The following MUC12 variants were observed in gnomAD, a reference collection of about 807,000 sequenced individuals.
MUC12 encodes mucin-12.
In MUC12, 172 loss-of-function variants were observed where a neutral mutation model predicts 230.8. That is an observed-to-expected ratio of 0.75 (90% CI 0.66 to 0.85). The LOEUF is 0.85. Ranked by LOEUF, MUC12 falls within the 40% of genes least tolerant of loss-of-function variation. The probability of loss-of-function intolerance (pLI) is 0.00; values close to 1 mark genes in which losing one functional copy is unlikely to be tolerated. For synonymous variants in MUC12, 1,259 were observed against 2,401.9 expected, an observed-to-expected ratio of 0.52 and a Z score of 13.91; for missense variants, 3,506 against 5,920.6, an observed-to-expected ratio of 0.59 and a Z score of 13.38.
Position 100,994,089 on chromosome 7 carries a change from A to T in MUC12, c.3526A>T (p.Ser1176Cys), listed in dbSNP as rs1253181444. The T allele has an allele frequency of 2.9e-6, 3 of 1,026,922 alleles. 1 individual carries two copies. The African/African-American group carries it at 6.3e-5, about 22-fold the overall frequency. The allele number at this position is 1,026,922 out of a possible 1,614,324, so 63.6% of individuals were successfully genotyped here. A position where few individuals can be genotyped will look rare whatever the true frequency, so the allele number is the denominator to read the frequency against. The change falls in exon 2 of 12, where the codon AGC becomes TGC. Residue 1176 changes from serine (S) to cysteine (C), a missense_variant. Physicochemically the swap from Ser to Cys is moderately radical, Grantham distance 112. Coordinates refer to ENST00000536621, the MANE Select transcript of MUC12 (RefSeq NM_001164462.2). The stretch of plus-strand genomic sequence containing the variant: ...AACTGAAACCACAGTGTTCCCTCAC[A>T]GCACCACAACCTCAGTTCATGGTGA... ...GSTETTVFPHSTTTSVHGEEP... is the reference protein window; with the variant it reads ...GSTETTVFPHCTTTSVHGEEP...
chr7:100,970,605 G>T (rs1792857149), intron 1 of MUC12, among the ~76,000 whole-genome samples: 1 of 152,202 alleles, frequency 6.6e-6, no homozygotes, highest in African/African-American at 2.4e-5. Flanking sequence ...GCCAGTTGCA[G>T]GGTCTCGCCT....
intron 5 of MUC12, among the ~76,000 whole-genome samples, chr7:101,012,060 C>T (rs140055264): frequency 2.0e-5 from 3 of 152,122 alleles, no homozygotes; most frequent in East Asian, 1.9e-4. Flanking sequence ...CACTATTTTG[C>T]GAGAGATGAA....
rs1225570861 is a variant in MUC12, at chr7:100,991,801, A to C, written c.1238A>C (p.His413Pro). 6.5e-7 allele frequency: 1 copy of C among 1,537,852 alleles called. No homozygotes were observed. The highest frequency in any genetic ancestry group is 8.7e-7 in the Non-Finnish European group (1 of 1,147,084). Residue 413 changes from histidine to proline, a missense_variant, in exon 2 of 12, where the codon CAC becomes CCC. Transcript: ENST00000536621. ...TTAALAHTSY[H>P]SSLGSTETTH... ...GCTGCCCTAGCACATACAAGCTACC[A>C]CAGCAGCCTGGGCTCAACTGAAACA...
chr7:101,014,216 C>T lies in MUC12; in HGVS notation c.15800+142C>T, dbSNP rs576355102. On this transcript the variant is annotated intron_variant, in intron 9 of 11. Transcript: ENST00000536621. Reference sequence around the variant, plus strand: ...TGAGGCCAGATGGGGTGCCCAGACCCTCCCAGCCCTGGGTGCAGCAAAGGG... The same window carrying T: ...TGAGGCCAGATGGGGTGCCCAGACCTTCCCAGCCCTGGGTGCAGCAAAGGG... 6 of 962,808 alleles carry T rather than the reference C, an allele frequency of 6.2e-6. No individual in the cohort carries two copies. In the Admixed American group the frequency reaches 9.9e-5, roughly 16 times the overall value. 59.6% of individuals were successfully genotyped at this position (962,808 alleles called of 1,614,324 possible).
At position 101,015,696 on chromosome 7, in the gene MUC12, C is replaced by G. The variant is rs1232880261; in HGVS notation, c.15877+5C>G. On this transcript the variant is annotated splice_donor_5th_base_variant and intron_variant, in intron 10 of 11. Transcript: ENST00000536621. ...AGAAGACGGCCATCTGGGAAGGTACCTCTAGTTAAGGGCAAGGAGATGAGC... is the reference window on the plus strand; with the variant it reads ...AGAAGACGGCCATCTGGGAAGGTACGTCTAGTTAAGGGCAAGGAGATGAGC... 1.3e-6 allele frequency: 2 copies of G among 1,537,158 alleles called. No individual in the cohort carries two copies. Among genetic ancestry groups the G allele is most frequent in the South Asian group, 2.4e-5 (2 of 84,042 alleles).
intron 2 of MUC12, 130 bp downstream of exon 2, chr7:101,005,649 C>A: frequency 8.3e-7 from 1 of 1,211,654 alleles, no homozygotes; most frequent in Non-Finnish European, 1.1e-6. Flanking sequence ...ACCGATTATC[C>A]AGTTTCTGGG....
rs375954025 is a variant in MUC12, at chr7:101,004,630, C to T, written c.14067C>T (p.Ser4689=). Residue 4689 remains serine (S), a synonymous_variant, in exon 2 of 12, where the codon AGC becomes AGT. Coordinates refer to ENST00000536621, the MANE Select transcript of MUC12 (RefSeq NM_001164462.2). ...AGGAATCAACAGCATCCCACAGCAG[C>T]CCAGATACAAATGGAATCACACCCT... ...RSEESTASHS[S]PDTNGITPLP... The T allele has an allele frequency of 6.5e-7, 1 of 1,537,342 alleles. No homozygotes were observed. Among genetic ancestry groups the T allele is most frequent in the South Asian group, 1.2e-5 (1 of 84,048 alleles).
intron 1 of MUC12, among the ~76,000 whole-genome samples, chr7:100,972,469 G>A (rs1792926680): frequency 6.6e-6 from 1 of 152,100 alleles, no homozygotes; most frequent in Non-Finnish European, 1.5e-5. Flanking sequence ...TTGGGGAGCA[G>A]TTCAGATGTC....
At position 101,013,915 on chromosome 7, in the gene MUC12, G is replaced by A. The variant is rs751907816; in HGVS notation, c.15641G>A (p.Cys5214Tyr). ...QLQRSGPRCL[C>Y]PNTNTHWYWG... Reference sequence around the variant, plus strand: ...CGTGAGCTTGTCTGTGTCCCCAGGTGCCCAAATACGAACACACACTGGTAC... The same window carrying A: ...CGTGAGCTTGTCTGTGTCCCCAGGTACCCAAATACGAACACACACTGGTAC... Residue 5214 changes from cysteine to tyrosine, a missense_variant and splice_region_variant, in exon 9 of 12, where the codon TGC (cysteine) becomes TAC (tyrosine). Coordinates refer to ENST00000536621, the MANE Select transcript of MUC12 (RefSeq NM_001164462.2). 2.6e-6 allele frequency: 4 copies of A among 1,533,368 alleles called. No individual in the cohort carries two copies. The highest frequency in any genetic ancestry group is 3.5e-6 in the Non-Finnish European group (4 of 1,144,852). 95.0% of individuals were successfully genotyped at this position (1,533,368 alleles called of 1,614,324 possible). A position where few individuals can be genotyped will look rare whatever the true frequency, so the allele number is the denominator to read the frequency against.
At chr7:100,984,187 A>G (rs1441159588) in intron 1 of MUC12, among the ~76,000 whole-genome samples, 1 of 152,146 alleles carries the variant, frequency 6.6e-6, no homozygotes, top group Non-Finnish European at 1.5e-5. Flanking sequence ...GTATAGTATT[A>G]CACTCTCAAA....
intron 1 of MUC12, among the ~76,000 whole-genome samples, chr7:100,982,109 T>C (rs1211725421): frequency 6.6e-6 from 1 of 152,106 alleles, no homozygotes; most frequent in Non-Finnish European, 1.5e-5. Context: ...TCAGGTGATC[T>C]GCCTGCCTTG....
Position 100,992,399 on chromosome 7 carries a change from C to T in MUC12, c.1836C>T (p.Thr612=), listed in dbSNP as rs563532408. ...CATCTATGCCCGTCCACAGCAGCAC[C>T]AGATCGCCACACACAACACTGTCCC... ...LEASMPVHSS[T]RSPHTTLSPA... is the part of the protein sequence containing the mutation. The change falls in exon 2 of 12, where the codon ACC becomes ACT. Residue 612 remains threonine (T), a synonymous_variant. Coordinates refer to ENST00000536621, the MANE Select transcript of MUC12 (RefSeq NM_001164462.2). 43 of 1,537,242 alleles carry T rather than the reference C, an allele frequency of 2.8e-5. No individual in the cohort carries two copies. The highest frequency in any genetic ancestry group is 1.7e-4 in the Middle Eastern group (1 of 5,990).
chr7:101,015,381 G>T lies in MUC12; in HGVS notation c.15801-234G>T, dbSNP rs536882486. Reference sequence around the variant, plus strand: ...CCCTACGCCCCCATCTCATGGATATGGAAACTGAGGGCCACTAAAGGGAGT... The same window carrying T: ...CCCTACGCCCCCATCTCATGGATATTGAAACTGAGGGCCACTAAAGGGAGT... On this transcript the variant is annotated intron_variant, in intron 9 of 11. Coordinates refer to ENST00000536621, the MANE Select transcript of MUC12 (RefSeq NM_001164462.2). 17 of 545,562 alleles carry T rather than the reference G, an allele frequency of 3.1e-5. No individual in the cohort carries two copies. In the South Asian group the frequency reaches 3.2e-4, roughly 10 times the overall value. 33.8% of individuals were successfully genotyped at this position (545,562 alleles called of 1,614,324 possible). A position where few individuals can be genotyped will look rare whatever the true frequency, so the allele number is the denominator to read the frequency against.
Position 100,992,221 on chromosome 7 carries a change from A to G in MUC12, c.1658A>G (p.His553Arg). 2.0e-6 allele frequency: 3 copies of G among 1,537,292 alleles called. No individual in the cohort carries two copies. Among genetic ancestry groups the G allele is most frequent in the Non-Finnish European group, 2.6e-6 (3 of 1,146,556 alleles). Residue 553 changes from histidine to arginine, a missense_variant, in exon 2 of 12, where the codon CAC becomes CGC. His to Arg is a conservative substitution (Grantham distance 29). Coordinates refer to ENST00000536621, the MANE Select transcript of MUC12 (RefSeq NM_001164462.2). The stretch of plus-strand genomic sequence containing the variant: ...CTCAGTCAGGAATCTACAGCTTCCC[A>G]CAGCAGCCCAGGCCCCACAGACACA... The part of the protein sequence containing the change: ...PGLSQESTAS[H>R]SSPGPTDTTL...
chr7:100,993,505 G>T lies in MUC12; in HGVS notation c.2942G>T (p.Ser981Ile). The part of the protein sequence containing the change: ...GSPRTTLSPA[S>I]STSPGLQGES... ...CCACGCACAACACTGTCCCCTGCCA[G>T]CTCCACAAGCCCTGGACTTCAGGGA... The change falls in exon 2 of 12, where the codon AGC (serine) becomes ATC (isoleucine). Residue 981 changes from serine to isoleucine, a missense_variant. Coordinates refer to ENST00000536621, the MANE Select transcript of MUC12 (RefSeq NM_001164462.2). The T allele has an allele frequency of 9.8e-7, 1 of 1,017,770 alleles. No individual in the cohort carries two copies. Among genetic ancestry groups the T allele is most frequent in the Non-Finnish European group, 1.3e-6 (1 of 755,098 alleles). The allele number at this position is 1,017,770 out of a possible 1,614,324, so 63.0% of individuals were successfully genotyped here.
chr7:100,982,299 CCAAA>C (rs1373073992), intron 1 of MUC12, among the ~76,000 whole-genome samples: 1 of 152,164 alleles, frequency 6.6e-6, no homozygotes, highest in East Asian at 1.9e-4. Context: ...TTCCCTCACC[CCAAA>C]CAGACAGTGA....
chr7:101,018,567 G>T, intron 11 of MUC12, 28 bp from the exon 12 acceptor site: 8 of 1,535,366 alleles, frequency 5.2e-6, no homozygotes, highest in Non-Finnish European at 7.0e-6. Flanking sequence ...CTGCCCCTTG[G>T]CCTCACCTCT....
rs1173138010 is a variant in MUC12 at position 100,992,021 on chromosome 7, A to C, written c.1458A>C (p.Lys486Asn). ...CAGCGTTACCCGGCAGTACCACAAA[A>C]CCAGGCCTCAGTGAGAAATCTACCA... ...ETTALPGSTT[K>N]PGLSEKSTTF... Residue 486 changes from lysine (K) to asparagine (N), a missense_variant, in exon 2 of 12, where the codon AAA (lysine) becomes AAC (asparagine). Lys to Asn is a moderately conservative substitution (Grantham distance 94). Transcript: ENST00000536621. 2.0e-6 allele frequency: 3 copies of C among 1,537,794 alleles called. No homozygotes were observed.
In MUC12 at chr7:101,014,052, CT is replaced by C. The variant is rs1299647868; in HGVS notation, c.15779del (p.Leu5260HisfsTer37). On this transcript the variant is annotated frameshift_variant, in exon 9 of 12. Coordinates refer to ENST00000536621, the MANE Select transcript of MUC12 (RefSeq NM_001164462.2). LOFTEE classifies it high-confidence loss of function. ...GATCATCCTAATCATCTTATTCAGC[CT>C]ATCCCAGAGAAAACGGCACAGGTGA... The part of the protein sequence containing the change: ...ALIILIILFS[L>X]SQRKRHREQY... 1 of 1,535,426 alleles carries C rather than the reference CT, an allele frequency of 6.5e-7. No homozygotes were observed. The highest frequency in any genetic ancestry group is 1.4e-5 in the African/African-American group (1 of 72,998).
Sources: allele counts gnomAD v4.1 joint callset (sites outside exome capture counted in the v4.1 genomes callset), GRCh38; gene constraint gnomAD v4.1.1; transcripts MANE v1.5; gene names NCBI Gene and HGNC (gene_info 2026-07-23, HGNC 2026-07-21).